ENY2: variants seen among roughly 807,000 people sequenced by gnomAD.
ENY2 encodes the protein ENY2 transcription and export complex 2 subunit.
A neutral mutation model predicts 15.9 loss-of-function variants in ENY2; 4 were observed. That is an observed-to-expected ratio of 0.25 (90% CI 0.12 to 0.57). The LOEUF is 0.57. Among genes scored for constraint, ENY2 ranks in the 20% least tolerant of loss-of-function variants. The pLI is 0.91. For missense variants in ENY2, 54 were observed against 117.2 expected (o/e 0.46, Z 2.49); for synonymous variants, 48 against 38.0 (o/e 1.26, Z -0.97).
chr8:109,340,635 G>C, intron 4 of ENY2, 72 bp downstream of exon 4: 1 of 1,580,160 alleles, frequency 6.3e-7, no homozygotes, highest in Non-Finnish European at 8.6e-7. Flanking sequence ...TGCTGGTTCA[G>C]ATTTTCTTTC....
At chr8:109,339,743 A>G (rs1816073907) in intron 3 of ENY2, 1 of 184,338 alleles carries the variant, frequency 5.4e-6, no homozygotes, top group African/African-American at 2.3e-5. Context: ...TGAATATTTG[A>G]AAAATTCATC....
chr8:109,342,685 T>G (rs1417534595), intron 4 of ENY2: 10 of 697,502 alleles, frequency 1.4e-5, no homozygotes, highest in Non-Finnish European at 2.1e-5. Flanking sequence ...TTTTATTTTT[T>G]GTAGAGACAG....
In ENY2 at chr8:109,334,355, A is replaced by G; in HGVS notation, c.-114A>G. The G allele has an allele frequency of 2.7e-6, 4 of 1,484,960 alleles. No individual in the cohort carries two copies. Among genetic ancestry groups the G allele is most frequent in the Admixed American group, 1.8e-5 (1 of 54,526 alleles). 92.0% of individuals were successfully genotyped at this position (1,484,960 alleles called of 1,614,324 possible). A position where few individuals can be genotyped will look rare whatever the true frequency, so the allele number is the denominator to read the frequency against. ...GCGTGTTCTAGCTTTCTGTGTGCTT[A>G]GGTGCCCGAGCTACTGAGGGTCTAA... On this transcript the variant is annotated 5_prime_UTR_variant, in exon 1 of 5. Coordinates refer to ENST00000521688, the MANE Select transcript of ENY2 (RefSeq NM_020189.6).
intron 3 of ENY2, 132 bp from the exon 4 acceptor site, chr8:109,340,357 A>C: frequency 7.4e-7 from 1 of 1,352,994 alleles, no homozygotes; most frequent in Non-Finnish European, 1.0e-6. Flanking sequence ...GGTTGAACTA[A>C]ATTTTCAGTG....
At chr8:109,336,235 T>G in intron 2 of ENY2, 31 bp downstream of exon 2, 1 of 1,540,940 alleles carries the variant, frequency 6.5e-7, no homozygotes, top group Non-Finnish European at 8.9e-7. Flanking sequence ...ATAAATTACA[T>G]TTCACCGCCT....
At position 109,345,830 on chromosome 8, in the gene ENY2, A is replaced by G. The variant is rs1816232455; in HGVS notation, c.*2349A>G. ...GAATACTAAAGAGCATAGCTTTAAA[A>G]TGATAGTGCTGAGAACTCCCCACCT... On this transcript the variant is annotated 3_prime_UTR_variant, in exon 5 of 5. Transcript: ENST00000521688. The G allele has an allele frequency of 6.6e-6, 1 of 152,186 alleles. No individual in the cohort carries two copies. Among genetic ancestry groups the G allele is most frequent in the South Asian group, 2.1e-4 (1 of 4,834 alleles). The allele number at this position is 152,186 out of a possible 1,614,324, so 9.4% of individuals were successfully genotyped here.
At chr8:109,342,372 C>G (rs1053777204) in intron 4 of ENY2, among the ~76,000 whole-genome samples, 1 of 150,928 alleles carries the variant, frequency 6.6e-6, no homozygotes, top group African/African-American at 2.4e-5. Context: ...CTTAGTCTTG[C>G]CAACACAATG....
chr8:109,336,277 A>G, intron 2 of ENY2, 73 bp downstream of exon 2: 1 of 1,207,766 alleles, frequency 8.3e-7, no homozygotes, highest in Non-Finnish European at 1.2e-6. Context: ...TCTAAACAAG[A>G]AATGAAACAT....
chr8:109,334,666 G>A, intron 1 of ENY2, 192 bp downstream of exon 1: 1 of 611,368 alleles, frequency 1.6e-6, no homozygotes, highest in Non-Finnish European at 2.8e-6. Context: ...CGCCTCTCCC[G>A]CTGTCTCCGC....
At chr8:109,335,173 C>A (rs2980569) in intron 1 of ENY2, 86,729 of 151,896 alleles carry the variant, frequency 0.57, 25,138 homozygotes, top group African/African-American at 0.65. Context: ...TTTTTACTGA[C>A]AATTGAGGAC....
intron 4 of ENY2, among the ~76,000 whole-genome samples, chr8:109,340,999 T>A (rs1816099965): frequency 6.6e-6 from 1 of 152,138 alleles, no homozygotes; most frequent in African/African-American, 2.4e-5. Flanking sequence ...ACTTAAGAAT[T>A]TGGTAGCTCC....
chr8:109,336,057 G>A, intron 1 of ENY2, 71 bp from the exon 2 acceptor site: 1 of 1,384,096 alleles, frequency 7.2e-7, no homozygotes, highest in East Asian at 2.4e-5. Flanking sequence ...ATGTTAGGAT[G>A]CCTGCCTAGA....
intron 1 of ENY2, chr8:109,334,717 T>C (rs1586323193): frequency 1.8e-6 from 1 of 552,422 alleles, no homozygotes; most frequent in East Asian, 3.2e-5. Context: ...CTGGGAGGGA[T>C]ACCCTAGCGC....
intron 4 of ENY2, 129 bp from the exon 5 acceptor site, chr8:109,343,276 T>A (rs930257990): frequency 1.1e-5 from 7 of 643,394 alleles, no homozygotes; most frequent in Admixed American, 3.2e-5. Flanking sequence ...CTTTACCTTT[T>A]TTTTAATTGA....
At position 109,334,482 on chromosome 8, in the gene ENY2, A is replaced by T. The variant is rs1815906515; in HGVS notation, c.6+8A>T. The stretch of plus-strand genomic sequence containing the variant: ...TCGCCCGCGGTGATGGTGGTGAGCT[A>T]TGCCCGTGGTCCTCAGGGCCGGGAC... On this transcript the variant is annotated splice_region_variant and intron_variant, in intron 1 of 4. Coordinates refer to ENST00000521688, the MANE Select transcript of ENY2 (RefSeq NM_020189.6). 6.2e-7 allele frequency: 1 copy of T among 1,613,278 alleles called. No individual in the cohort carries two copies. The highest frequency in any genetic ancestry group is 1.3e-5 in the African/African-American group (1 of 74,898).
At position 109,343,396 on chromosome 8, in the gene ENY2, G is replaced by A. The variant is rs1409154992; in HGVS notation, c.230-9G>A. On this transcript the variant is annotated splice_polypyrimidine_tract_variant and intron_variant, in intron 4 of 4. Coordinates refer to ENST00000521688, the MANE Select transcript of ENY2 (RefSeq NM_020189.6). ...TTCTTACTCTTATTTTTTTATTTTT[G>A]TTTTTCAGCCCTGGTACCTGACAGT... The A allele has an allele frequency of 6.3e-7, 1 of 1,590,624 alleles. No individual in the cohort carries two copies. Among genetic ancestry groups the A allele is most frequent in the Admixed American group, 1.8e-5 (1 of 54,186 alleles).
At position 109,344,962 on chromosome 8, in the gene ENY2, A is replaced by C. The variant is rs1816205645; in HGVS notation, c.*1481A>C. 6.6e-6 allele frequency: 1 copy of C among 152,212 alleles called. No individual in the cohort carries two copies. The highest frequency in any genetic ancestry group is 1.5e-5 in the Non-Finnish European group (1 of 68,034). 9.4% of individuals were successfully genotyped at this position (152,212 alleles called of 1,614,324 possible). On this transcript the variant is annotated 3_prime_UTR_variant, in exon 5 of 5. Coordinates refer to ENST00000521688, the MANE Select transcript of ENY2 (RefSeq NM_020189.6). ...TCTCAATGTAGAATGAAACTCATTC[A>C]GCATTAACACATAGGCCCTTCTTGA...
At chr8:109,338,523 A>G (rs577908331) in intron 2 of ENY2, 1 of 152,214 alleles carries the variant, frequency 6.6e-6, no homozygotes, top group Non-Finnish European at 1.5e-5. Flanking sequence ...CACATAGTGG[A>G]TGTCTAGGGA....
At chr8:109,341,329 C>T (rs1363177733) in intron 4 of ENY2, among the ~76,000 whole-genome samples, 1 of 152,012 alleles carries the variant, frequency 6.6e-6, no homozygotes, top group Non-Finnish European at 1.5e-5. Flanking sequence ...TACTACAGAA[C>T]ATGAATTTTT....
Sources: allele counts gnomAD v4.1 joint callset (sites outside exome capture counted in the v4.1 genomes callset), GRCh38; gene constraint gnomAD v4.1.1; transcripts MANE v1.5; gene names NCBI Gene and HGNC (gene_info 2026-07-23, HGNC 2026-07-21).